Variants in DENND2B observed in about 807,000 individuals in gnomAD.
DENND2B encodes the protein DENN domain containing 2B, also known as DENN domain-containing protein 2B.
A neutral mutation model predicts 116.0 loss-of-function variants in DENND2B; 32 were observed. The ratio of observed to expected loss-of-function variants is 0.28; its 90% CI spans 0.21 to 0.37. The LOEUF (loss-of-function observed/expected upper bound fraction) is 0.37, where lower values mean the gene tolerates loss of function less well. Among genes scored for constraint, DENND2B ranks in the 10% least tolerant of loss-of-function variants. The pLI is 1.00. For missense variants in DENND2B, 1,276 were observed against 1,477.7 expected (o/e 0.86, Z 2.24); for synonymous variants, 588 against 583.9 (o/e 1.01, Z -0.10).
chr11:8,694,450 G>C (rs757601515), intron 19 of DENND2B: 73 of 451,412 alleles, frequency 1.6e-4, no homozygotes, highest in Non-Finnish European at 2.6e-4. Context: ...AAGGGCACTC[G>C]CACTGCTGTG....
chr11:8,714,496 C>G, intron 7 of DENND2B, 114 bp downstream of exon 7: 1 of 857,920 alleles, frequency 1.2e-6, no homozygotes, highest in East Asian at 2.6e-5. Flanking sequence ...CTCCTCCCTC[C>G]TACGTGGCCA....
chr11:8,761,529 T>C (rs1015641061), intron 1 of DENND2B, among the ~76,000 whole-genome samples: 1 of 152,206 alleles, frequency 6.6e-6, no homozygotes, highest in Non-Finnish European at 1.5e-5. Flanking sequence ...CTGGATGACA[T>C]TTCCTGCACA....
intron 1 of DENND2B, among the ~76,000 whole-genome samples, chr11:8,908,843 T>G (rs115636916): frequency 2.5e-3 from 383 of 152,334 alleles, no homozygotes; most frequent in African/African-American, 8.8e-3. Flanking sequence ...ATCCACATTC[T>G]GTTCTCCACA....
At chr11:8,862,268 T>G (rs906945071) in intron 2 of DENND2B, among the ~76,000 whole-genome samples, 2 of 151,140 alleles carry the variant, frequency 1.3e-5, no homozygotes, top group East Asian at 1.9e-4. Flanking sequence ...GATAAGGGTT[T>G]CCAACAGAAC....
In DENND2B at chr11:8,854,860, G is replaced by A. The variant is rs11823412; in HGVS notation, c.-156+2483C>T. 3.3e-3 allele frequency among the ~76,000 whole-genome samples: 495 copies of A among 152,236 alleles called. 5 individuals are homozygous for A. Among genetic ancestry groups the A allele is most frequent in the African/African-American group, 0.011 (467 of 41,544 alleles). On this transcript the variant is annotated intron_variant, in intron 3 of 6. Transcript: ENST00000524757. ...CCTGGGTAGCTGGGATTACAGGCCT[G>A]TGCCACCACGCCCAGCTAATTTTTG...
intron 3 of DENND2B, among the ~76,000 whole-genome samples, chr11:8,848,045 A>G (rs1222220415): frequency 6.6e-6 from 1 of 152,218 alleles, no homozygotes. Context: ...TGACATTCTC[A>G]TATTTTTAAG....
chr11:8,718,105 CCCCCCCCAA>C lies in DENND2B; in HGVS notation c.1478-222_1478-214del, dbSNP rs1169627648. 161 of 251,326 alleles carry C rather than the reference CCCCCCCCAA, an allele frequency of 6.4e-4. 10 individuals carry two copies. The East Asian group carries it at 8.9e-3, about 14-fold the overall frequency. 15.6% of individuals were successfully genotyped at this position (251,326 alleles called of 1,614,324 possible). A position where few individuals can be genotyped will look rare whatever the true frequency, so the allele number is the denominator to read the frequency against. On this transcript the variant is annotated intron_variant, in intron 4 of 19. Coordinates refer to ENST00000313726, the MANE Select transcript of DENND2B (RefSeq NM_213618.2). ...GTCCAGAAGCAGACCCACCCCCCCACCCCCCCCAACCCCCCACCCCCAGCCCAGCTCAGC... is the reference window on the plus strand; with the variant it reads ...GTCCAGAAGCAGACCCACCCCCCCACCCCCCCACCCCCAGCCCAGCTCAGC...
intron 2 of DENND2B, among the ~76,000 whole-genome samples, chr11:8,742,715 G>C (rs1247005854): frequency 6.6e-6 from 1 of 152,186 alleles, no homozygotes; most frequent in East Asian, 1.9e-4. Flanking sequence ...GGGCTTGCTG[G>C]TTTTCACTTC....
At chr11:8,766,140 T>C (rs776151664) in intron 1 of DENND2B, among the ~76,000 whole-genome samples, 3 of 151,950 alleles carry the variant, frequency 2.0e-5, no homozygotes, top group Non-Finnish European at 1.5e-5. Flanking sequence ...CTAAGAAAGT[T>C]TGGGAGTCTC....
intron 1 of DENND2B, 54 bp from the exon 2 acceptor site, chr11:8,750,779 C>T: frequency 6.5e-7 from 1 of 1,530,778 alleles, no homozygotes; most frequent in Non-Finnish European, 9.0e-7. Context: ...CCAAAAGCAC[C>T]TTGAACATCT....
At chr11:8,884,139 A>G (rs1345422243) in intron 1 of DENND2B, among the ~76,000 whole-genome samples, 1 of 152,088 alleles carries the variant, frequency 6.6e-6, no homozygotes, top group Non-Finnish European at 1.5e-5. Flanking sequence ...CACTCCTTTC[A>G]TTCAGTTACT....
At chr11:8,827,208 C>A (rs1196693057) in intron 4 of DENND2B, among the ~76,000 whole-genome samples, 2 of 152,244 alleles carry the variant, frequency 1.3e-5, no homozygotes, top group African/African-American at 4.8e-5. Flanking sequence ...TCTGCCTACA[C>A]CCCACTTAGC....
Position 8,755,961 on chromosome 11 carries a change from T to C in DENND2B, c.-25-5236A>G, listed in dbSNP as rs577792490. 1.6e-4 allele frequency among the ~76,000 whole-genome samples: 24 copies of C among 152,276 alleles called. No homozygotes were observed. In the South Asian group the frequency reaches 3.1e-3, roughly 20 times the overall value. ...GCTTGGCATATCATATTGCTATATG[T>C]ACAACAGAGAAGGGAGAGAAAAGGC... On this transcript the variant is annotated intron_variant, in intron 1 of 19. Coordinates refer to ENST00000313726, the MANE Select transcript of DENND2B (RefSeq NM_213618.2).
At chr11:8,816,571 G>A (rs538706940) in intron 4 of DENND2B, among the ~76,000 whole-genome samples, 87 of 151,978 alleles carry the variant, frequency 5.7e-4, no homozygotes, top group Non-Finnish European at 9.3e-4. Flanking sequence ...AAAAAAGGTG[G>A]GGGGAATCAA....
At position 8,708,188 on chromosome 11, in the gene DENND2B, T is replaced by C. The variant is rs139576919; in HGVS notation, c.2353-334A>G. On this transcript the variant is annotated intron_variant, in intron 11 of 19. Coordinates refer to ENST00000313726, the MANE Select transcript of DENND2B (RefSeq NM_213618.2). ...AGGCTACAGGGTGTCTGTGGATTCA[T>C]AGCCCTGAGGCTGGGACCCCAGCAG... The C allele has an allele frequency of 3.5e-4, 444 of 1,262,054 alleles. 2 individuals are homozygous for C. In the African/African-American group the frequency reaches 5.3e-3, roughly 15 times the overall value. The allele number at this position is 1,262,054 out of a possible 1,614,324, so 78.2% of individuals were successfully genotyped here.
chr11:8,898,199 T>C (rs974220723), intron 1 of DENND2B, among the ~76,000 whole-genome samples: 24 of 152,290 alleles, frequency 1.6e-4, no homozygotes, highest in African/African-American at 5.1e-4. Flanking sequence ...ACTAGCTATG[T>C]TGACCCAGGG....
intron 1 of DENND2B, among the ~76,000 whole-genome samples, chr11:8,906,008 G>T (rs2064231349): frequency 1.3e-5 from 2 of 151,230 alleles, no homozygotes; most frequent in African/African-American, 4.9e-5. Flanking sequence ...TGGTCACCTA[G>T]GACCAGAGGC....
At chr11:8,871,576 T>C (rs1174209599), upstream of DENND2B, among the ~76,000 whole-genome samples, 1 of 152,076 alleles carries the variant, frequency 6.6e-6, no homozygotes, top group African/African-American at 2.4e-5. Flanking sequence ...TTCTCCCAGT[T>C]CTCGGGCCTC....
chr11:8,883,052 C>T (rs1315260305), intron 1 of DENND2B, among the ~76,000 whole-genome samples: 1 of 152,154 alleles, frequency 6.6e-6, no homozygotes, highest in African/African-American at 2.4e-5. Context: ...TACAAAGGCG[C>T]ATTCTTCATA....
Sources: gnomAD v4.1 joint callset for allele counts (sites outside exome capture counted in the v4.1 genomes callset) on GRCh38, gnomAD v4.1.1 for gene constraint, MANE v1.5 for transcripts, NCBI Gene and HGNC (gene_info 2026-07-23, HGNC 2026-07-21) for gene names.